Variants in DPP8 observed in about 807,000 individuals in gnomAD.
DPP8 encodes DPP VIII.
In DPP8, 31 loss-of-function variants were observed where a neutral mutation model predicts 107.5. The ratio of observed to expected loss-of-function variants is 0.29; its 90% CI spans 0.22 to 0.39. The LOEUF (loss-of-function observed/expected upper bound fraction) is 0.39. Ranked by LOEUF, DPP8 falls within the 10% of genes least tolerant of loss-of-function variation. The pLI is 1.00. For missense variants in DPP8, 842 were observed against 1,076.1 expected (o/e 0.78, Z 3.04); for synonymous variants, 381 against 356.6 (o/e 1.07, Z -0.77).
At chr15:65,510,471 G>C (rs1239531942) in intron 2 of DPP8, among the ~76,000 whole-genome samples, 1 of 151,704 alleles carries the variant, frequency 6.6e-6, no homozygotes, top group Non-Finnish European at 1.5e-5. Flanking sequence ...AAATAAAAAA[G>C]AAACCCAAAC....
chr15:65,448,302 G>C (rs951006992), intron 19 of DPP8, among the ~76,000 whole-genome samples: 21 of 152,046 alleles, frequency 1.4e-4, no homozygotes, highest in African/African-American at 5.1e-4. Context: ...GGGAGGCTCA[G>C]GTGGGAGGAT....
chr15:65,479,058 A>T lies in DPP8; in HGVS notation c.1297-19T>A, dbSNP rs2066660910. 2 of 1,509,600 alleles carry T rather than the reference A, an allele frequency of 1.3e-6. No individual in the cohort carries two copies. Among genetic ancestry groups the T allele is most frequent in the Admixed American group, 4.5e-5 (2 of 44,260 alleles). 93.5% of individuals were successfully genotyped at this position (1,509,600 alleles called of 1,614,324 possible). ...CATGGATCTGTAAAATGAATAGCTAAATTTACTATACATATTATGAAAATA... is the reference window on the plus strand; with the variant it reads ...CATGGATCTGTAAAATGAATAGCTATATTTACTATACATATTATGAAAATA... On this transcript the variant is annotated intron_variant, in intron 10 of 19. Transcript: ENST00000300141.
chr15:65,466,587 C>CTT (rs2065374127), intron 14 of DPP8, 91 bp downstream of exon 14: 1 of 1,208,566 alleles, frequency 8.3e-7, no homozygotes, highest in South Asian at 1.3e-5. Context: ...GATGGAAAGA[C>CTT]TTGTCCAGGA....
chr15:65,478,036 C>T (rs985804668), intron 11 of DPP8, among the ~76,000 whole-genome samples: 2 of 152,110 alleles, frequency 1.3e-5, no homozygotes, highest in Non-Finnish European at 2.9e-5. Flanking sequence ...TGCATCCATT[C>T]CGTATTATAT....
At chr15:65,516,428 C>T (rs60409220) in intron 1 of DPP8, 1 of 148,240 alleles carries the variant, frequency 6.7e-6, no homozygotes, top group South Asian at 2.1e-4. Context: ...GAAATTCTGG[C>T]TTAGGAAAAA....
At chr15:65,478,098 T>C (rs1385940897) in intron 11 of DPP8, among the ~76,000 whole-genome samples, 1 of 152,172 alleles carries the variant, frequency 6.6e-6, no homozygotes, top group African/African-American at 2.4e-5. Context: ...AAAGAAAAAT[T>C]AACTTCAGCT....
chr15:65,450,964 G>T, intron 19 of DPP8, 35 bp downstream of exon 19: 5 of 1,261,990 alleles, frequency 4.0e-6, no homozygotes, highest in South Asian at 3.7e-5. Context: ...CACTAATCAT[G>T]ACTGCATTTA....
intron 18 of DPP8, 132 bp downstream of exon 18, chr15:65,451,828 G>C (rs2063999392): frequency 1.1e-6 from 1 of 886,480 alleles, no homozygotes; most frequent in South Asian, 2.4e-5. Context: ...CGGGGGCTGA[G>C]GTGGGAGGAT....
At position 65,480,393 on chromosome 15, in the gene DPP8, C is replaced by T; in HGVS notation, c.1125G>A (p.Trp375Ter). Residue 375 changes from tryptophan to a stop codon, truncating the protein, a stop_gained, in exon 10 of 20, where the codon TGG (tryptophan) becomes TGA (stop). Coordinates refer to ENST00000300141, the MANE Select transcript of DPP8 (RefSeq NM_130434.5). LOFTEE classifies it high-confidence loss of function. Reference sequence around the variant, plus strand: ...TCTGGGAGCGATCTAGTAGGATGGACCAAGCACTATTTAAATAAATAAAAG... The same window carrying T: ...TCTGGGAGCGATCTAGTAGGATGGATCAAGCACTATTTAAATAAATAAAAG... ...AGWTPEGKYA[W>*]SILLDRSQTR... The T allele has an allele frequency of 6.2e-7, 1 of 1,601,070 alleles. No homozygotes were observed. Among genetic ancestry groups the T allele is most frequent in the Non-Finnish European group, 8.5e-7 (1 of 1,175,542 alleles).
At chr15:65,487,855 T>C (rs1005367046) in intron 6 of DPP8, 37 bp from the exon 7 acceptor site, 1 of 1,416,698 alleles carries the variant, frequency 7.1e-7, no homozygotes, top group Admixed American at 1.9e-5. Context: ...TTTAGAAGAA[T>C]TATTCCAGAG....
intron 11 of DPP8, among the ~76,000 whole-genome samples, chr15:65,478,201 T>C (rs1341377534): frequency 6.6e-6 from 1 of 152,004 alleles, no homozygotes; most frequent in Non-Finnish European, 1.5e-5. Flanking sequence ...GCAGATAGTA[T>C]AAGAAACATC....
chr15:65,511,480 T>C (rs1469517828), intron 2 of DPP8, among the ~76,000 whole-genome samples: 4 of 151,326 alleles, frequency 2.6e-5, no homozygotes, highest in Admixed American at 6.6e-5. Flanking sequence ...TCCATCTCTA[T>C]TAAAAAAAAA....
chr15:65,455,488 C>T, intron 16 of DPP8: 1 of 231,114 alleles, frequency 4.3e-6, no homozygotes, highest in Middle Eastern at 2.0e-3. Flanking sequence ...GCTCTTGAGG[C>T]CCTGTCTTCT....
At chr15:65,507,773 G>A (rs1231329007) in intron 2 of DPP8, among the ~76,000 whole-genome samples, 1 of 151,956 alleles carries the variant, frequency 6.6e-6, no homozygotes, top group Non-Finnish European at 1.5e-5. Context: ...AAGTTGCTGT[G>A]TAGAGAAAAG....
chr15:65,515,030 T>C (rs2071270787), intron 1 of DPP8, among the ~76,000 whole-genome samples: 1 of 152,170 alleles, frequency 6.6e-6, no homozygotes, highest in African/African-American at 2.4e-5. Context: ...CAAGTCTCAC[T>C]GTTGCCCAAG....
At chr15:65,474,427 T>C in intron 11 of DPP8, 139 bp from the exon 12 acceptor site, 1 of 635,160 alleles carries the variant, frequency 1.6e-6, no homozygotes, top group Non-Finnish European at 2.8e-6. Flanking sequence ...TAGACAGAGA[T>C]GATGGTTGCA....
At chr15:65,466,617 C>T (rs563032000) in intron 14 of DPP8, 61 bp downstream of exon 14, 95 of 1,431,804 alleles carry the variant, frequency 6.6e-5, no homozygotes, top group Admixed American at 2.4e-4. Flanking sequence ...ATATGACACA[C>T]GTTTAGTGTA....
intron 17 of DPP8, among the ~76,000 whole-genome samples, chr15:65,452,523 G>T (rs8023716): frequency 6.6e-6 from 1 of 151,724 alleles, no homozygotes; most frequent in African/African-American, 2.4e-5. Flanking sequence ...AAATTTGCCT[G>T]TCCTATACGT....
In DPP8 at chr15:65,451,130, A is replaced by G. The variant is rs1595846497; in HGVS notation, c.2415-20T>C. On this transcript the variant is annotated intron_variant, in intron 18 of 19. Transcript: ENST00000300141. ...TTTGGTCTGGAGAAATGGAAATATTAGAGGATTAGGCAAAATAGTAGAGTA... is the reference window on the plus strand; with the variant it reads ...TTTGGTCTGGAGAAATGGAAATATTGGAGGATTAGGCAAAATAGTAGAGTA... 8 of 1,484,716 alleles carry G rather than the reference A, an allele frequency of 5.4e-6. No individual in the cohort carries two copies. The East Asian group carries it at 1.8e-4, about 34-fold the overall frequency. The allele number at this position is 1,484,716 out of a possible 1,614,324, so 92.0% of individuals were successfully genotyped here. A position where few individuals can be genotyped will look rare whatever the true frequency, so the allele number is the denominator to read the frequency against.
Sources: allele counts gnomAD v4.1 joint callset (sites outside exome capture counted in the v4.1 genomes callset), GRCh38; gene constraint gnomAD v4.1.1; transcripts MANE v1.5; gene names NCBI Gene and HGNC (gene_info 2026-07-23, HGNC 2026-07-21).